The following COL4A1 variants were observed in gnomAD, a reference collection of about 807,000 sequenced individuals.
COL4A1 encodes the protein collagen type IV alpha 1 chain, also known as collagen alpha-1(IV) chain.
COL4A1 carries 40 observed loss-of-function variants against 216.6 expected under a neutral mutation model. The ratio of observed to expected loss-of-function variants is 0.18; its 90% CI spans 0.14 to 0.24. COL4A1 has a LOEUF of 0.24. COL4A1 is among the 10% of genes least tolerant of loss of function. The pLI, the probability that COL4A1 is intolerant of heterozygous loss-of-function variation, is 1.00. For missense variants in COL4A1, 1,628 were observed against 2,196.8 expected (o/e 0.74, Z 5.18); for synonymous variants, 839 against 810.7 (o/e 1.03, Z -0.59).
rs9588112 is a variant in COL4A1, at chr13:110,195,219, C to T, written c.1286-101G>A. ...AACCAAAATATTTTAGGCTATTTGA[C>T]AAGTGTTAGAAATTCAGCTTTAGTT... On this transcript the variant is annotated intron_variant, in intron 21 of 51. Transcript: ENST00000375820. 83,889 of 945,432 alleles carry T rather than the reference C, an allele frequency of 0.089. 4,770 individuals carry two copies. Among genetic ancestry groups the T allele is most frequent in the African/African-American group, 0.23 (14,175 of 61,788 alleles). The allele number at this position is 945,432 out of a possible 1,614,324, so 58.6% of individuals were successfully genotyped here. A position where few individuals can be genotyped will look rare whatever the true frequency, so the allele number is the denominator to read the frequency against.
rs868104363 is a variant in COL4A1 at position 110,179,098 on chromosome 13, G to T, written c.2345-62C>A. 3.2e-5 allele frequency: 50 copies of T among 1,555,328 alleles called. No individual in the cohort carries two copies. In the Middle Eastern group the frequency reaches 5.7e-4, roughly 18 times the overall value. ...CAGTGGCACGTCTCCCGGCCTAGGA[G>T]ACCCATGCACACGAATGGCCCCAGC... On this transcript the variant is annotated intron_variant, in intron 30 of 51. Transcript: ENST00000375820.
At chr13:110,263,394 C>A (rs1419753260) in intron 1 of COL4A1, among the ~76,000 whole-genome samples, 1 of 152,210 alleles carries the variant, frequency 6.6e-6, no homozygotes, top group Non-Finnish European at 1.5e-5. Flanking sequence ...CCCCACCACG[C>A]CCTTACAGAC....
At position 110,154,508 on chromosome 13, in the gene COL4A1, T is replaced by C. The variant is rs972449994; in HGVS notation, c.4755+775A>G. ...TCTGCTTTCAAGCTCGTGCATGTTG[T>C]AGTAGAATGTGTACTCCCCACGTGG... On this transcript the variant is annotated intron_variant, in intron 50 of 51. Coordinates refer to ENST00000375820, the MANE Select transcript of COL4A1 (RefSeq NM_001845.6). Among the ~76,000 whole-genome samples, 15 of 152,244 alleles carry C rather than the reference T, an allele frequency of 9.9e-5. No homozygotes were observed. In the East Asian group the frequency reaches 2.1e-3, roughly 21 times the overall value.
chr13:110,189,386 C>T (rs1471346253), intron 24 of COL4A1, among the ~76,000 whole-genome samples: 2 of 152,226 alleles, frequency 1.3e-5, no homozygotes, highest in Non-Finnish European at 2.9e-5. Context: ...AAAGACTCAA[C>T]AGCCACCACT....
chr13:110,170,536 G>A lies in COL4A1; in HGVS notation c.3742+11C>T, dbSNP rs775180106. The A allele has an allele frequency of 6.3e-7, 1 of 1,592,448 alleles. No individual in the cohort carries two copies. Among genetic ancestry groups the A allele is most frequent in the South Asian group, 1.1e-5 (1 of 88,624 alleles). ...AGTCCTCAGCCCTGGCCCCTGGCGA[G>A]ATGCCCTTACCTGGCAGGCCAGGCT... On this transcript the variant is annotated intron_variant, in intron 42 of 51. Coordinates refer to ENST00000375820, the MANE Select transcript of COL4A1 (RefSeq NM_001845.6).
At chr13:110,274,734 A>T (rs2139293402) in intron 1 of COL4A1, among the ~76,000 whole-genome samples, 1 of 152,242 alleles carries the variant, frequency 6.6e-6, no homozygotes, top group East Asian at 1.9e-4. Flanking sequence ...CGCTCATGAG[A>T]TCATAACATT....
At chr13:110,253,771 TGTATTATATA>T (rs1882373845) in intron 1 of COL4A1, among the ~76,000 whole-genome samples, 3 of 127,880 alleles carry the variant, frequency 2.3e-5, no homozygotes, top group African/African-American at 8.1e-5. Context: ...TACGTATGTA[TGTATTATATA>T]TACGTATAAT....
intron 2 of COL4A1, among the ~76,000 whole-genome samples, chr13:110,231,180 T>C (rs1265588810): frequency 2.0e-5 from 3 of 152,134 alleles, no homozygotes; most frequent in African/African-American, 7.2e-5. Context: ...CCAGGACATA[T>C]CGATGAGACT....
chr13:110,290,059 G>A (rs898478957), intron 1 of COL4A1, among the ~76,000 whole-genome samples: 7 of 152,358 alleles, frequency 4.6e-5, no homozygotes, highest in Admixed American at 1.3e-4. Context: ...TCGCAGGGGC[G>A]TCACTCCTTC....
chr13:110,184,536 A>G (rs1566357369), intron 26 of COL4A1, among the ~76,000 whole-genome samples: 1 of 152,212 alleles, frequency 6.6e-6, no homozygotes, highest in African/African-American at 2.4e-5. Flanking sequence ...ACAACCATCA[A>G]CAGAGTCAGA....
At chr13:110,289,240 A>T (rs1883980931) in intron 1 of COL4A1, among the ~76,000 whole-genome samples, 1 of 152,180 alleles carries the variant, frequency 6.6e-6, no homozygotes, top group South Asian at 2.1e-4. Flanking sequence ...CCCCGCACCT[A>T]AGCCTGGAGG....
intron 51 of COL4A1, 21 bp from the exon 52 acceptor site, chr13:110,150,465 A>G (rs753839229): frequency 1.2e-6 from 2 of 1,612,282 alleles, no homozygotes; most frequent in Non-Finnish European, 1.7e-6. Flanking sequence ...ACACAGAGAC[A>G]GACCATTGGC....
intron 1 of COL4A1, chr13:110,266,200 C>T (rs745445063): frequency 3.3e-5 from 5 of 152,270 alleles, no homozygotes; most frequent in African/African-American, 1.2e-4. Context: ...AAAGCTATTC[C>T]CCAATTCAGC....
intron 1 of COL4A1, among the ~76,000 whole-genome samples, chr13:110,260,167 C>A (rs4773134): frequency 0.65 from 99,113 of 152,000 alleles, 32,955 homozygotes; most frequent in African/African-American, 0.78. Flanking sequence ...AATGAACTCA[C>A]AGTTCCACAT....
At chr13:110,208,568 G>A (rs888656523) in intron 12 of COL4A1, among the ~76,000 whole-genome samples, 12 of 152,190 alleles carry the variant, frequency 7.9e-5, no homozygotes, top group African/African-American at 1.9e-4. Flanking sequence ...CATCACTGAC[G>A]AAGAAGAGTT....
Position 110,307,148 on chromosome 13 carries a change from G to A in COL4A1, c.-121C>T. ...ACCGTCCCGGGTGCGGCGGCTCCAA[G>A]CGGAGACCTGAGCGCGGCGGGCCGA... On this transcript the variant is annotated 5_prime_UTR_variant, in exon 1 of 52. Coordinates refer to ENST00000375820, the MANE Select transcript of COL4A1 (RefSeq NM_001845.6). This position sits in a 1 kb window ranked among gnomAD's most constrained non-coding sequence, Gnocchi z 5.0. The A allele has an allele frequency of 1.3e-6, 1 of 767,364 alleles. No individual in the cohort carries two copies. 47.5% of individuals were successfully genotyped at this position (767,364 alleles called of 1,614,324 possible).
At position 110,155,341 on chromosome 13, in the gene COL4A1, T is replaced by C. The variant is rs1876733815; in HGVS notation, c.4697A>G (p.Gln1566Arg). Residue 1566 changes from glutamine to arginine, a missense_variant, in exon 50 of 52, where the codon CAG becomes CGG. Gln to Arg is a conservative substitution (Grantham distance 43). Coordinates refer to ENST00000375820, the MANE Select transcript of COL4A1 (RefSeq NM_001845.6). ...MVMAVHSQTI[Q>R]IPPCPSGWSS... ...CCACCCGCTGGGGCACGGTGGGATC[T>C]GAATGGTCTGGCTGTGCACGGCCAT... is the stretch of plus-strand genomic sequence containing the variant. 1.2e-6 allele frequency: 2 copies of C among 1,614,180 alleles called. No individual in the cohort carries two copies. The highest frequency in any genetic ancestry group is 1.7e-6 in the Non-Finnish European group (2 of 1,180,030).
chr13:110,173,099 T>A (rs917833905), intron 40 of COL4A1, among the ~76,000 whole-genome samples: 1 of 152,120 alleles, frequency 6.6e-6, no homozygotes, highest in African/African-American at 2.4e-5. Context: ...ATCCACTAAT[T>A]GCTATTCTCA....
intron 36 of COL4A1, among the ~76,000 whole-genome samples, chr13:110,175,713 G>C (rs1007709303): frequency 1.3e-5 from 2 of 152,224 alleles, no homozygotes; most frequent in Non-Finnish European, 2.9e-5. Context: ...TCATCAGCCA[G>C]ACGTCACAGG....
Sources: allele counts gnomAD v4.1 joint callset (sites outside exome capture counted in the v4.1 genomes callset), GRCh38; gene constraint gnomAD v4.1.1; non-coding constraint Gnocchi (gnomAD v3.1); transcripts MANE v1.5; gene names NCBI Gene and HGNC (gene_info 2026-07-23, HGNC 2026-07-21).